CDH11: variants seen among roughly 807,000 people sequenced by gnomAD.
CDH11 encodes the protein cadherin-11.
CDH11 carries 11 observed loss-of-function variants against 67.8 expected under a neutral mutation model. That is an observed-to-expected ratio of 0.16 (90% confidence interval 0.10 to 0.27). CDH11 has a LOEUF of 0.27. Among genes scored for constraint, CDH11 ranks in the 10% least tolerant of loss-of-function variants. CDH11 has a pLI of 1.00. For missense variants in CDH11, 847 were observed against 1,031.2 expected, an observed-to-expected ratio of 0.82 and a Z score of 2.45; for synonymous variants, 419 against 400.0, an observed-to-expected ratio of 1.05 and a Z score of -0.57.
At chr16:65,091,575 G>A (rs1261305457) in intron 1 of CDH11, among the ~76,000 whole-genome samples, 1 of 142,368 alleles carries the variant, frequency 7.0e-6, no homozygotes, top group African/African-American at 2.7e-5. Context: ...TTTTTGAGAC[G>A]GAGTCTCACT....
intron 1 of CDH11, among the ~76,000 whole-genome samples, chr16:65,081,655 A>G (rs1294838834): frequency 2.6e-5 from 4 of 151,734 alleles, no homozygotes; most frequent in Non-Finnish European, 5.9e-5. Context: ...GTATAATGTT[A>G]TCTGTCAGGA....
At chr16:65,097,102 A>G (rs1800850431) in intron 1 of CDH11, among the ~76,000 whole-genome samples, 2 of 152,142 alleles carry the variant, frequency 1.3e-5, no homozygotes, top group South Asian at 2.1e-4. Flanking sequence ...GTTGTTTTAC[A>G]TACTGGTTGT....
At chr16:64,997,450 T>C (rs2072803397) in intron 4 of CDH11, among the ~76,000 whole-genome samples, 1 of 150,540 alleles carries the variant, frequency 6.6e-6, no homozygotes, top group Non-Finnish European at 1.5e-5. Context: ...GTGAGAATAA[T>C]GAAAATTTTC....
Position 65,121,066 on chromosome 16 carries a change from A to C in CDH11, c.-298+814T>G. ...CTTGGCGCGCTCCGAGAAGCGGCGC[A>C]GGTTTCGGGAAGGTGTGGTTCTCAA... is the stretch of plus-strand genomic sequence containing the variant. On this transcript the variant is annotated intron_variant, in intron 1 of 12. Coordinates refer to ENST00000268603, the MANE Select transcript of CDH11 (RefSeq NM_001797.4). This position sits in a 1 kb window ranked among gnomAD's most constrained non-coding sequence, Gnocchi z 4.1. Among the ~76,000 whole-genome samples, 1 of 152,050 alleles carries C rather than the reference A, an allele frequency of 6.6e-6. No homozygotes were observed. The highest frequency in any genetic ancestry group is 1.9e-4 in the East Asian group (1 of 5,148).
chr16:64,990,490 C>T (rs571270903), intron 6 of CDH11, among the ~76,000 whole-genome samples: 41 of 151,806 alleles, frequency 2.7e-4, no homozygotes, highest in South Asian at 1.3e-3. Context: ...TCATGATGAA[C>T]CCCCCCATGC....
intron 1 of CDH11, among the ~76,000 whole-genome samples, chr16:65,113,585 C>A (rs1017972091): frequency 6.6e-6 from 1 of 152,132 alleles, no homozygotes; most frequent in African/African-American, 2.4e-5. Context: ...CAATAGGGAA[C>A]ATGATTTAAG....
At position 64,946,504 on chromosome 16, in the gene CDH11, A is replaced by G. The variant is rs1445286376; in HGVS notation, c.*1099T>C. On this transcript the variant is annotated 3_prime_UTR_variant, in exon 13 of 13. Coordinates refer to ENST00000268603, the MANE Select transcript of CDH11 (RefSeq NM_001797.4). ...ATATTGCAAAGTCATAGACTGACCT[A>G]GTTCTTTCACATCCTTCTTTTTTAG... is the stretch of plus-strand genomic sequence containing the variant. 9.7e-7 allele frequency: 1 copy of G among 1,030,664 alleles called. No individual in the cohort carries two copies. Among genetic ancestry groups the G allele is most frequent in the Non-Finnish European group, 1.2e-6 (1 of 857,064 alleles). 63.8% of individuals were successfully genotyped at this position (1,030,664 alleles called of 1,614,324 possible). A position where few individuals can be genotyped will look rare whatever the true frequency, so the allele number is the denominator to read the frequency against.
chr16:65,022,314 C>T (rs1188474645), intron 2 of CDH11, among the ~76,000 whole-genome samples: 1 of 152,084 alleles, frequency 6.6e-6, no homozygotes, highest in African/African-American at 2.4e-5. Context: ...GGAACTCTAA[C>T]CATGAAATAG....
chr16:65,071,400 CA>C (rs1165835104), intron 1 of CDH11, among the ~76,000 whole-genome samples: 1 of 146,948 alleles, frequency 6.8e-6, no homozygotes, highest in Admixed American at 6.8e-5. Context: ...GCGCAAACTC[CA>C]AAAAGGGAGA....
At chr16:65,003,149 ATACTT>A (rs1364434246) in intron 3 of CDH11, among the ~76,000 whole-genome samples, 1 of 151,204 alleles carries the variant, frequency 6.6e-6, no homozygotes. Context: ...AATAATAAAA[ATACTT>A]TAACAAAAAT....
At position 64,943,925 on chromosome 16, in the gene CDH11, C is replaced by T. The variant is rs961632258; in HGVS notation, c.*3678G>A. 20 of 230,018 alleles carry T rather than the reference C, an allele frequency of 8.7e-5. No homozygotes were observed. Among genetic ancestry groups the T allele is most frequent in the African/African-American group, 4.4e-4 (20 of 45,120 alleles). 14.2% of individuals were successfully genotyped at this position (230,018 alleles called of 1,614,324 possible). On this transcript the variant is annotated 3_prime_UTR_variant, in exon 13 of 13. Coordinates refer to ENST00000268603, the MANE Select transcript of CDH11 (RefSeq NM_001797.4). The stretch of plus-strand genomic sequence containing the variant: ...CACACACATACATAAAGCCAAAAAG[C>T]AAAATAAGTTTAAAGAGTTGTCATC...
intron 8 of CDH11, among the ~76,000 whole-genome samples, chr16:64,979,121 C>T (rs1026812640): frequency 1.3e-5 from 2 of 152,134 alleles, no homozygotes; most frequent in African/African-American, 4.8e-5. Context: ...AGATATTTCT[C>T]CCAAGAAGAC....
At chr16:65,111,962 C>T in intron 1 of CDH11, among the ~76,000 whole-genome samples, 1 of 150,018 alleles carries the variant, frequency 6.7e-6, no homozygotes, top group Non-Finnish European at 1.5e-5. Context: ...CCCAGCTACT[C>T]AGGAGGCCGA....
At chr16:65,039,331 C>A (rs1029919103) in intron 2 of CDH11, among the ~76,000 whole-genome samples, 1 of 152,096 alleles carries the variant, frequency 6.6e-6, no homozygotes, top group Non-Finnish European at 1.5e-5. Flanking sequence ...CTACAGTAAC[C>A]AAAACAGCAT....
chr16:64,988,414 A>G, intron 6 of CDH11, 70 bp from the exon 7 acceptor site: 3 of 1,309,204 alleles, frequency 2.3e-6, no homozygotes, highest in Non-Finnish European at 3.1e-6. Context: ...GATTTCATTG[A>G]ATCCCAATAA....
chr16:65,108,708 T>G (rs756598882), intron 1 of CDH11, among the ~76,000 whole-genome samples: 1 of 152,118 alleles, frequency 6.6e-6, no homozygotes, highest in Non-Finnish European at 1.5e-5. Context: ...TTTAAACATG[T>G]GGCTTTAATG....
intron 2 of CDH11, among the ~76,000 whole-genome samples, chr16:65,033,027 C>T (rs1053179169): frequency 7.2e-5 from 11 of 152,056 alleles, no homozygotes; most frequent in South Asian, 2.1e-4. Context: ...TCTTTTTGCC[C>T]CCTGCTGTGA....
chr16:65,080,078 G>A (rs1355728305), intron 1 of CDH11, among the ~76,000 whole-genome samples: 1 of 151,738 alleles, frequency 6.6e-6, no homozygotes, highest in African/African-American at 2.4e-5. Flanking sequence ...ATTTTTAAAT[G>A]CAATTGAGAT....
intron 1 of CDH11, among the ~76,000 whole-genome samples, chr16:65,114,893 C>T (rs2142891545): frequency 6.6e-6 from 1 of 152,268 alleles, no homozygotes; most frequent in East Asian, 1.9e-4. Context: ...ACCCACAAGG[C>T]AGGTCCAGGA....
Sources: gnomAD v4.1 joint callset for allele counts (sites outside exome capture counted in the v4.1 genomes callset) on GRCh38, gnomAD v4.1.1 for gene constraint, Gnocchi (gnomAD v3.1) non-coding constraint, MANE v1.5 for transcripts, NCBI Gene and HGNC (gene_info 2026-07-23, HGNC 2026-07-21) for gene names.